LCTL: variants seen among roughly 807,000 people sequenced by gnomAD.
The protein encoded by LCTL is lactase like, also known as lactase-like protein.
In LCTL, 76 loss-of-function variants were observed where a neutral mutation model predicts 75.8. The ratio of observed to expected loss-of-function variants is 1.00; its 90% CI spans 0.83 to 1.21. The LOEUF is 1.21. Ranked by LOEUF, LCTL falls within the 50% of genes most tolerant of loss-of-function variation. The probability of loss-of-function intolerance (pLI) is 0.00; values close to 1 mark genes in which losing one functional copy is unlikely to be tolerated. For synonymous variants in LCTL, 271 were observed against 268.8 expected (o/e 1.01, Z -0.08); for missense variants, 670 against 712.4 (o/e 0.94, Z 0.68).
At chr15:66,563,741 C>T in intron 3 of LCTL, 116 bp from the exon 5 acceptor site, 1 of 872,092 alleles carries the variant, frequency 1.1e-6, no homozygotes, top group Non-Finnish European at 1.8e-6. Flanking sequence ...GCACCCTCAG[C>T]CCACCAGCAT....
rs747051190 is a variant in LCTL, at chr15:66,553,145, T to C, written c.1036A>G (p.Thr346Ala). The change falls in exon 9 of 13, where the codon ACT (threonine) becomes GCT (alanine). Residue 346 changes from threonine to alanine, a missense_variant. Transcript: ENST00000341509. The stretch of plus-strand genomic sequence containing the variant: ...TAGTTCCTTTCCGTGATGTACCGAG[T>C]AGTAAAATGACCTAATCCCAAGAAA... 27 of 1,611,688 alleles carry C rather than the reference T, an allele frequency of 1.7e-5. No individual in the cohort carries two copies. Among genetic ancestry groups the C allele is most frequent in the Non-Finnish European group, 2.3e-5 (27 of 1,179,126 alleles).
At chr15:66,565,134 AG>A in intron 1 of LCTL, 113 bp downstream of exon 2, 1 of 779,866 alleles carries the variant, frequency 1.3e-6, no homozygotes, top group South Asian at 1.5e-5. Context: ...ACACAAAGGT[AG>A]GTTTCTCATC....
rs1219681814 is a variant in LCTL, at chr15:66,553,311, T to C, written c.923-53A>G. 8 of 1,420,454 alleles carry C rather than the reference T, an allele frequency of 5.6e-6. No homozygotes were observed. In the African/African-American group the frequency reaches 1.2e-4, roughly 20 times the overall value. 88.0% of individuals were successfully genotyped at this position (1,420,454 alleles called of 1,614,324 possible). On this transcript the variant is annotated intron_variant, in intron 8 of 12. Coordinates refer to ENST00000341509, the Ensembl canonical transcript of LCTL. Reference sequence around the variant, plus strand: ...CAAAGCCTTATTTTCTCCCAATCACTGTGTTATGTATCATGACGATAGTGA... The same window carrying C: ...CAAAGCCTTATTTTCTCCCAATCACCGTGTTATGTATCATGACGATAGTGA...
Position 66,563,639 on chromosome 15 carries a change from A to G in LCTL, c.371-14T>C, listed in dbSNP as rs1895950254. 6.4e-7 allele frequency: 1 copy of G among 1,568,454 alleles called. No homozygotes were observed. Among genetic ancestry groups the G allele is most frequent in the Non-Finnish European group, 8.8e-7 (1 of 1,141,438 alleles). On this transcript the variant is annotated splice_polypyrimidine_tract_variant and intron_variant, in intron 3 of 12. Coordinates refer to ENST00000341509, the Ensembl canonical transcript of LCTL. ...TCACCTGCTCGGCTGCAGGTGAAATAAAAGAAGATGCTACCAGAAAGGACC... is the reference window on the plus strand; with the variant it reads ...TCACCTGCTCGGCTGCAGGTGAAATGAAAGAAGATGCTACCAGAAAGGACC...
intron 11 of LCTL, among the ~76,000 whole-genome samples, 181 bp from the exon 13 acceptor site, chr15:66,550,285 TAGTG>T (rs1490869520): frequency 6.6e-6 from 1 of 152,218 alleles, no homozygotes; most frequent in East Asian, 1.9e-4. Flanking sequence ...ATGTACATCA[TAGTG>T]AGGGAGTCAA....
chr15:66,554,928 T>G (rs551538682), intron 8 of LCTL, among the ~76,000 whole-genome samples: 10 of 152,318 alleles, frequency 6.6e-5, no homozygotes, highest in Non-Finnish European at 1.5e-4. Flanking sequence ...GAGGCCTGAC[T>G]TTTTACTTCA....
chr15:66,564,071 G>T (rs953262040), intron 2 of LCTL, 73 bp from the exon 4 acceptor site: 2 of 953,442 alleles, frequency 2.1e-6, no homozygotes, highest in Non-Finnish European at 3.4e-6. Context: ...TCGGGCTCTA[G>T]GGCCGAGGCT....
chr15:66,557,796 A>G, exon 8 of LCTL: 1 of 1,614,156 alleles, frequency 6.2e-7, no homozygotes, highest in Non-Finnish European at 8.5e-7. Flanking sequence ...ACAGAACTGT[A>G]GGTATCTCTC....
At chr15:66,551,759 A>G (rs1895607910) in exon 11 of LCTL, 2 of 1,613,868 alleles carry the variant, frequency 1.2e-6, no homozygotes, top group East Asian at 4.5e-5. Context: ...GTTAAATTCA[A>G]CATAGTAGAA....
At chr15:66,564,022 C>G in intron 2 of LCTL, 24 bp from the exon 4 acceptor site, 1 of 1,545,672 alleles carries the variant, frequency 6.5e-7, no homozygotes, top group Non-Finnish European at 8.9e-7. Context: ...GGTGGGGAGA[C>G]AGGTCACCTG....
exon 13 of LCTL, chr15:66,548,140 A>G (rs988977738): frequency 4.2e-5 from 7 of 167,240 alleles, no homozygotes; most frequent in Non-Finnish European, 9.1e-5. Flanking sequence ...AATCATTTGA[A>G]CATTAAAGTA....
intron 11 of LCTL, 65 bp downstream of exon 12, chr15:66,551,597 T>C: frequency 1.5e-6 from 2 of 1,328,202 alleles, no homozygotes; most frequent in Non-Finnish European, 2.1e-6. Context: ...CCAAGTTCTT[T>C]GTGTGTTCCA....
At chr15:66,557,846 T>C (rs780258933) in exon 8 of LCTL, 7 of 1,613,922 alleles carry the variant, frequency 4.3e-6, no homozygotes, top group African/African-American at 2.7e-5. Context: ...TGTCCACAGG[T>C]TCCCCCCAGT....
exon 11 of LCTL, chr15:66,551,758 A>G (rs1327203977): frequency 6.2e-7 from 1 of 1,613,280 alleles, no homozygotes; most frequent in Admixed American, 1.7e-5. Flanking sequence ...CGTTAAATTC[A>G]ACATAGTAGA....
At chr15:66,551,205 G>A (rs189299529) in intron 11 of LCTL, among the ~76,000 whole-genome samples, 1 of 151,634 alleles carries the variant, frequency 6.6e-6, no homozygotes, top group East Asian at 2.0e-4. Context: ...AAATTAGCTG[G>A]GCGTGGTGGC....
rs145675899 is a variant in LCTL, at chr15:66,551,704, G to A, written c.1482C>T (p.Tyr494=). ...ACCCATTGGCAATGATAATCTTCTT[G>A]TAATATTGAACTGAAGCCTTTGGAT... is the stretch of plus-strand genomic sequence containing the variant. Residue 494 remains tyrosine, a synonymous_variant, in exon 11 of 13, where the codon TAC becomes TAT. Coordinates refer to ENST00000341509, the Ensembl canonical transcript of LCTL. 1,078 of 1,614,046 alleles carry A rather than the reference G, an allele frequency of 6.7e-4. 9 individuals carry two copies. In the African/African-American group the frequency reaches 0.013, roughly 19 times the overall value.
rs775689427 is a variant in LCTL at position 66,552,184 on chromosome 15, T to C, written c.1198-15A>G. 7.2e-5 allele frequency: 115 copies of C among 1,598,848 alleles called. No individual in the cohort carries two copies. Among genetic ancestry groups the C allele is most frequent in the Non-Finnish European group, 7.8e-5 (92 of 1,175,930 alleles). ...CCGTATTGAGTCTGAAAGTGAGTCATAGCAACAAATATCTTAAAAATTCTG... is the reference window on the plus strand; with the variant it reads ...CCGTATTGAGTCTGAAAGTGAGTCACAGCAACAAATATCTTAAAAATTCTG... On this transcript the variant is annotated splice_polypyrimidine_tract_variant and intron_variant, in intron 9 of 12. Transcript: ENST00000341509.
At chr15:66,563,393 T>A (rs1895942191) in intron 4 of LCTL, 123 bp downstream of exon 5, 4 of 603,382 alleles carry the variant, frequency 6.6e-6, no homozygotes, top group Non-Finnish European at 1.2e-5. Context: ...TCGCATCTTA[T>A]AGTCCTGCGC....
chr15:66,549,479 A>G (rs1895513059), intron 12 of LCTL: 1 of 152,224 alleles, frequency 6.6e-6, no homozygotes, highest in African/African-American at 2.4e-5. Flanking sequence ...AAATTCAAAG[A>G]AACAAATAAT....
Sources: gnomAD v4.1 joint callset for allele counts (sites outside exome capture counted in the v4.1 genomes callset) on GRCh38, gnomAD v4.1.1 for gene constraint, MANE v1.5 for transcripts, NCBI Gene and HGNC (gene_info 2026-07-23, HGNC 2026-07-21) for gene names.